Variants in SLC44A5 observed in about 807,000 individuals in gnomAD.
The protein encoded by SLC44A5 is choline transporter-like protein 5.
In SLC44A5, 57 loss-of-function variants were observed where a neutral mutation model predicts 101.8. The observed-to-expected ratio is 0.56, with a 90% CI of 0.45 to 0.70. The LOEUF is 0.70. SLC44A5 is among the 30% of genes least tolerant of loss of function. SLC44A5 has a pLI of 0.00. For missense variants in SLC44A5, 737 were observed against 853.1 expected (o/e 0.86, Z 1.70); for synonymous variants, 281 against 290.9 (o/e 0.97, Z 0.35).
At chr1:75,330,189 G>A (rs906827246) in intron 4 of SLC44A5, among the ~76,000 whole-genome samples, 3 of 84,720 alleles carry the variant, frequency 3.5e-5, no homozygotes, top group Admixed American at 1.7e-4. Flanking sequence ...ATATATATAC[G>A]TATATGCATA....
chr1:75,702,014 A>C, the SLC44A5 span, among the ~76,000 whole-genome samples: 52 of 152,262 alleles, frequency 3.4e-4, no homozygotes, highest in African/African-American at 1.2e-3. Flanking sequence ...AAGAGGATAC[A>C]AACAAATGGA....
chr1:75,208,867 G>T (rs973001479), intron 23 of SLC44A5, among the ~76,000 whole-genome samples: 1 of 151,996 alleles, frequency 6.6e-6, no homozygotes, highest in African/African-American at 2.4e-5. Flanking sequence ...AAGATTCCAT[G>T]TTTCTAAAAA....
chr1:75,712,581 G>C, the SLC44A5 span, among the ~76,000 whole-genome samples: 2 of 151,840 alleles, frequency 1.3e-5, no homozygotes, highest in Admixed American at 6.6e-5. Flanking sequence ...TAACACCAGA[G>C]GCTTGGCAGT....
intron 1 of SLC44A5, among the ~76,000 whole-genome samples, chr1:75,605,445 A>G (rs1237322651): frequency 6.6e-6 from 1 of 152,076 alleles, no homozygotes; most frequent in Non-Finnish European, 1.5e-5. Context: ...ACAAAAAAAG[A>G]TGCCTGAGAG....
At chr1:75,367,613 T>C (rs1156751015) in intron 3 of SLC44A5, among the ~76,000 whole-genome samples, 1 of 152,194 alleles carries the variant, frequency 6.6e-6, no homozygotes, top group Non-Finnish European at 1.5e-5. Flanking sequence ...GCCTGTTACC[T>C]GAAGCAGGGA....
At chr1:75,327,357 C>G (rs1656679294) in intron 4 of SLC44A5, among the ~76,000 whole-genome samples, 1 of 152,140 alleles carries the variant, frequency 6.6e-6, no homozygotes, top group Non-Finnish European at 1.5e-5. Flanking sequence ...CAACAAGCAA[C>G]TGAAATCTAA....
At chr1:75,566,646 T>C (rs1025601520) in intron 1 of SLC44A5, among the ~76,000 whole-genome samples, 1 of 152,242 alleles carries the variant, frequency 6.6e-6, no homozygotes, top group African/African-American at 2.4e-5. Flanking sequence ...GTTGGTTTTA[T>C]ACAATGCAGA....
chr1:75,665,345 C>G, the SLC44A5 span, among the ~76,000 whole-genome samples: 1 of 152,068 alleles, frequency 6.6e-6, no homozygotes, highest in Non-Finnish European at 1.5e-5. Context: ...CAAAAATAAG[C>G]AGTAGGGAAA....
chr1:75,690,708 C>G, the SLC44A5 span, among the ~76,000 whole-genome samples: 1 of 152,188 alleles, frequency 6.6e-6, no homozygotes, highest in Non-Finnish European at 1.5e-5. Context: ...TACTAAATCA[C>G]ACATCCACCA....
At chr1:75,205,164 T>G (rs1333427852) in intron 23 of SLC44A5, 1 of 152,310 alleles carries the variant, frequency 6.6e-6, no homozygotes, top group Admixed American at 6.5e-5. Context: ...ATTCATTGGC[T>G]TATTGCTATT....
At chr1:75,615,845 G>A (rs184025586), upstream of SLC44A5, 505 of 987,360 alleles carry the variant, frequency 5.1e-4, 2 homozygotes, top group African/African-American at 7.9e-3. Flanking sequence ...GGAGGGAGCG[G>A]GACTCACCCT....
intron 1 of SLC44A5, among the ~76,000 whole-genome samples, chr1:75,543,141 G>A (rs887932884): frequency 6.6e-6 from 1 of 152,090 alleles, no homozygotes; most frequent in Non-Finnish European, 1.5e-5. Context: ...GTTTTCTAGT[G>A]TTAATTATTT....
intron 3 of SLC44A5, among the ~76,000 whole-genome samples, chr1:75,372,492 A>G (rs1660294953): frequency 1.3e-5 from 2 of 151,878 alleles, no homozygotes; most frequent in Middle Eastern, 3.4e-3. Context: ...GGAGGAAATC[A>G]TCATGACAAA....
chr1:75,663,801 T>C, the SLC44A5 span, among the ~76,000 whole-genome samples: 1 of 152,118 alleles, frequency 6.6e-6, no homozygotes, highest in Admixed American at 6.5e-5. Flanking sequence ...TTCCCTAACA[T>C]ATCCTATGAA....
At chr1:75,519,536 C>T (rs149911895) in intron 2 of SLC44A5, among the ~76,000 whole-genome samples, 289 of 151,572 alleles carry the variant, frequency 1.9e-3, no homozygotes, top group African/African-American at 6.3e-3. Context: ...CCAGCCTGGG[C>T]AACAGAGCTA....
intron 6 of SLC44A5, among the ~76,000 whole-genome samples, chr1:75,252,161 T>G (rs746540036): frequency 1.3e-5 from 2 of 152,168 alleles, no homozygotes; most frequent in Non-Finnish European, 2.9e-5. Context: ...AATTAGTATG[T>G]TTTCCCCTAA....
chr1:75,296,658 G>GCTTCCAAT (rs1653993318), intron 5 of SLC44A5, among the ~76,000 whole-genome samples: 1 of 152,024 alleles, frequency 6.6e-6, no homozygotes, highest in Admixed American at 6.6e-5. Flanking sequence ...CTGCCCCCCT[G>GCTTCCAAT]CTTCCAATCA....
At chr1:75,586,982 CA>C (rs1429873869) in intron 1 of SLC44A5, among the ~76,000 whole-genome samples, 2 of 151,938 alleles carry the variant, frequency 1.3e-5, no homozygotes, top group African/African-American at 4.8e-5. Flanking sequence ...GCTCTTTTAT[CA>C]AAGCAGTGGT....
intron 1 of SLC44A5, among the ~76,000 whole-genome samples, chr1:75,564,769 G>A (rs189516426): frequency 0.025 from 3,728 of 152,028 alleles, 160 homozygotes; most frequent in African/African-American, 0.086. Context: ...ACAGGTGACC[G>A]CCACCACCAG....
Sources: allele counts gnomAD v4.1 joint callset (sites outside exome capture counted in the v4.1 genomes callset), GRCh38; gene constraint gnomAD v4.1.1; transcripts MANE v1.5; gene names NCBI Gene and HGNC (gene_info 2026-07-23, HGNC 2026-07-21).